RASGRF2: variants seen among roughly 807,000 people sequenced by gnomAD.
RASGRF2 encodes ras-specific guanine nucleotide-releasing factor 2.
A neutral mutation model predicts 151.0 loss-of-function variants in RASGRF2; 76 were observed. The observed-to-expected ratio is 0.50, with a 90% CI of 0.42 to 0.61. The LOEUF is 0.61. RASGRF2 is among the 20% of genes least tolerant of loss of function. The probability of loss-of-function intolerance (pLI) is 0.00; values close to 1 mark genes in which losing one functional copy is unlikely to be tolerated. For missense variants in RASGRF2, 1,148 were observed against 1,564.6 expected, an observed-to-expected ratio of 0.73 and a Z score of 4.49; for synonymous variants, 504 against 566.5, an observed-to-expected ratio of 0.89 and a Z score of 1.57.
At chr5:81,160,746 C>T (rs1417703609) in intron 17 of RASGRF2, among the ~76,000 whole-genome samples, 1 of 150,306 alleles carries the variant, frequency 6.7e-6, no homozygotes, top group Admixed American at 6.6e-5. Context: ...TGGCATGTGC[C>T]TGTAGTCCCA....
chr5:81,219,077 T>A (rs78056159), intron 25 of RASGRF2, among the ~76,000 whole-genome samples: 1 of 134,980 alleles, frequency 7.4e-6, no homozygotes, highest in Non-Finnish European at 1.6e-5. Context: ...GCCAGGTTCT[T>A]TTTTTTTTTT....
chr5:81,199,846 C>T (rs554229839), intron 18 of RASGRF2, among the ~76,000 whole-genome samples: 27 of 137,416 alleles, frequency 2.0e-4, no homozygotes, highest in East Asian at 4.1e-4. Flanking sequence ...TGCAGTGAGC[C>T]GAGATCACGT....
At chr5:81,004,230 C>T (rs1053754938) in intron 1 of RASGRF2, among the ~76,000 whole-genome samples, 3 of 152,214 alleles carry the variant, frequency 2.0e-5, no homozygotes, top group Middle Eastern at 3.2e-3. Flanking sequence ...TGCTGCTAAA[C>T]GGTAAGCACA....
intron 12 of RASGRF2, among the ~76,000 whole-genome samples, chr5:81,104,779 A>AGCTAAACCCTGGATG (rs1483449582): frequency 6.6e-6 from 1 of 152,204 alleles, no homozygotes; most frequent in Non-Finnish European, 1.5e-5. Context: ...AGAGACACAC[A>AGCTAAACCCTGGATG]GCTAAACCCT....
chr5:80,990,990 C>A (rs1216148822), intron 1 of RASGRF2, among the ~76,000 whole-genome samples: 7 of 152,150 alleles, frequency 4.6e-5, no homozygotes, highest in Non-Finnish European at 1.0e-4. Flanking sequence ...ATGGCATAAT[C>A]TCATTTTTCA....
At chr5:81,048,423 A>G (rs1205054598) in intron 2 of RASGRF2, among the ~76,000 whole-genome samples, 1 of 152,144 alleles carries the variant, frequency 6.6e-6, no homozygotes, top group African/African-American at 2.4e-5. Flanking sequence ...AAACTACTAA[A>G]CTGTGAAATA....
At chr5:81,003,316 G>A (rs562533339) in intron 1 of RASGRF2, among the ~76,000 whole-genome samples, 4 of 145,478 alleles carry the variant, frequency 2.7e-5, no homozygotes, top group African/African-American at 5.0e-5. Flanking sequence ...TCCGCCTCCC[G>A]GGTTCACGCC....
chr5:81,173,727 G>A (rs1173487581), intron 17 of RASGRF2, among the ~76,000 whole-genome samples: 2 of 152,186 alleles, frequency 1.3e-5, no homozygotes, highest in Non-Finnish European at 2.9e-5. Context: ...AGTTGGAGGA[G>A]TAACAAATTA....
chr5:81,099,912 T>TC (rs1195736700), intron 12 of RASGRF2, among the ~76,000 whole-genome samples: 2 of 118,556 alleles, frequency 1.7e-5, no homozygotes, highest in Non-Finnish European at 3.6e-5. Context: ...TTTTTCTTTT[T>TC]TTTTTTTTTT....
chr5:81,126,942 C>T lies in RASGRF2; in HGVS notation c.2597-132C>T. On this transcript the variant is annotated intron_variant, in intron 16 of 26. Transcript: ENST00000265080. Reference sequence around the variant, plus strand: ...TCCTGATGTGCAATCTTGTTGTTTGCCCATTAACAGAGATAATACAGGGCA... The same window carrying T: ...TCCTGATGTGCAATCTTGTTGTTTGTCCATTAACAGAGATAATACAGGGCA... 6.8e-6 allele frequency: 6 copies of T among 884,558 alleles called. No individual in the cohort carries two copies. In the South Asian group the frequency reaches 8.6e-5, roughly 13 times the overall value. 54.8% of individuals were successfully genotyped at this position (884,558 alleles called of 1,614,324 possible).
Position 81,226,351 on chromosome 5 carries a change from C to T in RASGRF2, c.*581C>T, listed in dbSNP as rs1436269671. On this transcript the variant is annotated 3_prime_UTR_variant, in exon 27 of 27. Transcript: ENST00000265080. ...ATGTGAGGAATGGTACCTTCTGAAA[C>T]TGCCTTTCCAGTCTTTAGGCAATGG... 6 of 152,240 alleles carry T rather than the reference C, an allele frequency of 3.9e-5. No homozygotes were observed. The highest frequency in any genetic ancestry group is 6.5e-5 in the Admixed American group (1 of 15,284). 9.4% of individuals were successfully genotyped at this position (152,240 alleles called of 1,614,324 possible). A position where few individuals can be genotyped will look rare whatever the true frequency, so the allele number is the denominator to read the frequency against.
intron 1 of RASGRF2, among the ~76,000 whole-genome samples, chr5:81,018,499 A>G (rs1749714624): frequency 6.6e-6 from 1 of 152,156 alleles, no homozygotes; most frequent in Non-Finnish European, 1.5e-5. Flanking sequence ...CATTAGTTGA[A>G]GCTCCCATGA....
At chr5:81,108,532 C>G (rs992363510) in intron 12 of RASGRF2, among the ~76,000 whole-genome samples, 3 of 152,172 alleles carry the variant, frequency 2.0e-5, no homozygotes, top group South Asian at 4.1e-4. Context: ...ACTAGTGAGA[C>G]AGAAGATGAA....
intron 17 of RASGRF2, among the ~76,000 whole-genome samples, chr5:81,155,808 G>T (rs1219574980): frequency 6.6e-6 from 1 of 152,202 alleles, no homozygotes; most frequent in Non-Finnish European, 1.5e-5. Context: ...GGCCAGGTAT[G>T]TCTATAATGA....
intron 18 of RASGRF2, among the ~76,000 whole-genome samples, chr5:81,185,130 G>C (rs752909307): frequency 8.5e-5 from 13 of 152,222 alleles, no homozygotes; most frequent in Non-Finnish European, 1.6e-4. Context: ...CCACCTGTGG[G>C]AAGTTGAGGT....
At position 81,080,650 on chromosome 5, in the gene RASGRF2, G is replaced by A. The variant is rs1752060433; in HGVS notation, c.1022G>A (p.Arg341His). 6.2e-7 allele frequency: 1 copy of A among 1,614,098 alleles called. No individual in the cohort carries two copies. The highest frequency in any genetic ancestry group is 8.5e-7 in the Non-Finnish European group (1 of 1,179,956). The change falls in exon 7 of 27, where the codon CGT becomes CAT. Residue 341 changes from arginine (R) to histidine (H), a missense_variant. Physicochemically the swap from Arg to His is conservative, Grantham distance 29 (BLOSUM62 0). Transcript: ENST00000265080. ...CTGAACATTTATCAAGAATTTGTGC[G>A]TAATCACCAGTACAGCCTGCAAGTT... is the stretch of plus-strand genomic sequence containing the variant. Reference protein sequence around the residue: ...PMLNIYQEFVRNHQYSLQVLA... With the variant: ...PMLNIYQEFVHNHQYSLQVLA...
At chr5:81,132,557 G>A (rs933931405) in intron 17 of RASGRF2, among the ~76,000 whole-genome samples, 2 of 152,140 alleles carry the variant, frequency 1.3e-5, no homozygotes, top group African/African-American at 4.8e-5. Flanking sequence ...TCATTGTCTT[G>A]TTATTCATTT....
chr5:81,032,367 C>T lies in RASGRF2; in HGVS notation c.289-10510C>T, dbSNP rs1356630004. Among the ~76,000 whole-genome samples the T allele has an allele frequency of 5.3e-5, 8 of 152,320 alleles. No individual in the cohort carries two copies. In the South Asian group the frequency reaches 1.0e-3, roughly 20 times the overall value. On this transcript the variant is annotated intron_variant, in intron 1 of 26. Coordinates refer to ENST00000265080, the MANE Select transcript of RASGRF2 (RefSeq NM_006909.3). ...AAAAAAGAGAATTTTAGACCAATATCCCTGATGAACATCGATGTAAAAATC... is the reference window on the plus strand; with the variant it reads ...AAAAAAGAGAATTTTAGACCAATATTCCTGATGAACATCGATGTAAAAATC...
chr5:81,115,952 C>G (rs1753139181), intron 15 of RASGRF2, among the ~76,000 whole-genome samples: 1 of 149,990 alleles, frequency 6.7e-6, no homozygotes, highest in East Asian at 2.0e-4. Context: ...TAAGAAGTGT[C>G]TTTGACATGA....
Sources: gnomAD v4.1 joint callset for allele counts (sites outside exome capture counted in the v4.1 genomes callset) on GRCh38, gnomAD v4.1.1 for gene constraint, MANE v1.5 for transcripts, NCBI Gene and HGNC (gene_info 2026-07-23, HGNC 2026-07-21) for gene names.